PPP4R3A: variants seen among roughly 807,000 people sequenced by gnomAD.
The protein encoded by PPP4R3A is serine/threonine-protein phosphatase 4 regulatory subunit 3A.
A neutral mutation model predicts 91.7 loss-of-function variants in PPP4R3A; 15 were observed. The ratio of observed to expected loss-of-function variants is 0.16; its 90% CI spans 0.11 to 0.25. The LOEUF is 0.25. Among genes scored for constraint, PPP4R3A ranks in the 10% least tolerant of loss-of-function variants. The probability of loss-of-function intolerance (pLI) is 1.00; values close to 1 mark genes in which losing one functional copy is unlikely to be tolerated. For synonymous variants in PPP4R3A, 377 were observed against 348.7 expected (o/e 1.08, Z -0.91); for missense variants, 623 against 998.4 (o/e 0.62, Z 5.07).
At chr14:91,474,746 CTGAG>C (rs1889079074) in intron 7 of PPP4R3A, 1 of 151,934 alleles carries the variant, frequency 6.6e-6, no homozygotes, top group African/African-American at 2.4e-5. Flanking sequence ...TCTCATCCTC[CTGAG>C]TATCTGGGAC....
In PPP4R3A at chr14:91,481,757, T is replaced by C. The variant is rs773664066; in HGVS notation, c.734A>G (p.Lys245Arg). The C allele has an allele frequency of 7.4e-6, 12 of 1,613,600 alleles. No individual in the cohort carries two copies. Among genetic ancestry groups the C allele is most frequent in the Non-Finnish European group, 3.4e-6 (4 of 1,179,928 alleles). Residue 245 changes from lysine to arginine, a missense_variant, in exon 4 of 15, where the codon AAG becomes AGG. By Grantham distance (26) the Lys-to-Arg change is conservative. Transcript: ENST00000554943. ...KHREFLTKTA[K>R]FKEVIPISDP... ...TGATATGGGAATCACTTCTTTAAAC[T>C]TGGCTGTTTTTGTTAGAAATTCCCT...
intron 11 of PPP4R3A, 82 bp from the exon 12 acceptor site, chr14:91,462,959 C>T (rs765750542): frequency 1.5e-4 from 160 of 1,073,912 alleles, no homozygotes; most frequent in Non-Finnish European, 4.3e-5. Context: ...AATTCATACC[C>T]ACCAAAAATA....
At chr14:91,473,392 C>A in intron 7 of PPP4R3A, 22 bp from the exon 8 acceptor site, 2 of 1,601,140 alleles carry the variant, frequency 1.2e-6, no homozygotes, top group Non-Finnish European at 1.7e-6. Flanking sequence ...AATAGACATA[C>A]TCAGGATCAC....
At chr14:91,492,624 T>C (rs1890294715) in intron 1 of PPP4R3A, among the ~76,000 whole-genome samples, 1 of 152,224 alleles carries the variant, frequency 6.6e-6, no homozygotes, top group Non-Finnish European at 1.5e-5. Flanking sequence ...CCAAAATCTC[T>C]TTCTTATCCT....
intron 14 of PPP4R3A, among the ~76,000 whole-genome samples, chr14:91,461,177 G>T (rs8006485): frequency 0.49 from 74,608 of 151,794 alleles, 18,655 homozygotes; most frequent in Admixed American, 0.53. Flanking sequence ...CACACTATAT[G>T]CAGACTTGCA....
chr14:91,491,096 G>A (rs1227641751), intron 1 of PPP4R3A, among the ~76,000 whole-genome samples: 1 of 151,414 alleles, frequency 6.6e-6, no homozygotes, highest in African/African-American at 2.4e-5. Context: ...TAGTAGAGAC[G>A]GGGTTTCACC....
chr14:91,506,275 T>C (rs1891289019), intron 1 of PPP4R3A, among the ~76,000 whole-genome samples: 6 of 152,200 alleles, frequency 3.9e-5, no homozygotes, highest in Admixed American at 3.9e-4. Context: ...AAAGTAATTT[T>C]CATTTTCTTT....
intron 13 of PPP4R3A, 121 bp downstream of exon 13, chr14:91,461,928 T>TA: frequency 7.2e-7 from 1 of 1,383,450 alleles, no homozygotes; most frequent in Non-Finnish European, 9.4e-7. Flanking sequence ...CATAAAGCAA[T>TA]AGAGTCTTTA....
chr14:91,462,648 T>G (rs5020186), intron 12 of PPP4R3A, 87 bp downstream of exon 12: 699,440 of 1,477,230 alleles, frequency 0.47, 168,037 homozygotes, highest in Admixed American at 0.57. Context: ...CTGTTCCTTG[T>G]CAAGCCAAAT....
chr14:91,469,368 C>T (rs1250393222), intron 10 of PPP4R3A, among the ~76,000 whole-genome samples: 2 of 151,952 alleles, frequency 1.3e-5, no homozygotes, highest in Non-Finnish European at 1.5e-5. Context: ...CTCTCAAATC[C>T]CCTTTTCCAC....
At chr14:91,507,869 C>A (rs1196769200) in intron 1 of PPP4R3A, among the ~76,000 whole-genome samples, 2 of 151,934 alleles carry the variant, frequency 1.3e-5, no homozygotes, top group Non-Finnish European at 2.9e-5. Context: ...TGCCTGTAAT[C>A]CTAATACTCC....
Position 91,509,826 on chromosome 14 carries a change from C to A in PPP4R3A, c.-179G>T, listed in dbSNP as rs1891675645. The A allele has an allele frequency of 8.4e-7, 1 of 1,185,616 alleles. No individual in the cohort carries two copies. Among genetic ancestry groups the A allele is most frequent in the Non-Finnish European group, 1.0e-6 (1 of 961,264 alleles). The allele number at this position is 1,185,616 out of a possible 1,614,324, so 73.4% of individuals were successfully genotyped here. ...TGCATGGCCCGCTCCAGGGACCGAGCTCTGGGCCGCCGCCTTTCCTCGCCT... is the reference window on the plus strand; with the variant it reads ...TGCATGGCCCGCTCCAGGGACCGAGATCTGGGCCGCCGCCTTTCCTCGCCT... On this transcript the variant is annotated 5_prime_UTR_variant, in exon 1 of 15. Transcript: ENST00000554943.
intron 2 of PPP4R3A, 68 bp downstream of exon 2, chr14:91,490,679 T>G (rs1031251588): frequency 9.6e-6 from 12 of 1,253,662 alleles, no homozygotes; most frequent in Non-Finnish European, 1.4e-5. Context: ...CTATAAGCAA[T>G]CAGATAATAA....
At chr14:91,482,425 G>A (rs990070085) in intron 3 of PPP4R3A, among the ~76,000 whole-genome samples, 2 of 152,190 alleles carry the variant, frequency 1.3e-5, no homozygotes, top group African/African-American at 2.4e-5. Context: ...TATGAGGTCT[G>A]CTGGCAAGAA....
intron 4 of PPP4R3A, among the ~76,000 whole-genome samples, chr14:91,478,726 T>A (rs1459530086): frequency 1.4e-5 from 2 of 141,284 alleles, no homozygotes; most frequent in Non-Finnish European, 3.3e-5. Flanking sequence ...CTCAGTATTT[T>A]AGTTCATACT....
chr14:91,509,898 G>A lies in PPP4R3A; in HGVS notation c.-251C>T. ...CCAGGCCTGGCGAGCCCGGCGCCCG[G>A]CAGCCCCGAGGGGGCCGCGCAGCGC... On this transcript the variant is annotated 5_prime_UTR_variant, in exon 1 of 15. Coordinates refer to ENST00000554943, the MANE Select transcript of PPP4R3A (RefSeq NM_001366432.2). 1 of 1,071,350 alleles carries A rather than the reference G, an allele frequency of 9.3e-7. No individual in the cohort carries two copies. Among genetic ancestry groups the A allele is most frequent in the Non-Finnish European group, 1.1e-6 (1 of 887,146 alleles). 66.4% of individuals were successfully genotyped at this position (1,071,350 alleles called of 1,614,324 possible).
intron 2 of PPP4R3A, among the ~76,000 whole-genome samples, chr14:91,490,066 A>C (rs1379090543): frequency 6.6e-6 from 1 of 152,208 alleles, no homozygotes; most frequent in Non-Finnish European, 1.5e-5. Flanking sequence ...TCTTCTGGGC[A>C]ATGAGGGAAC....
Position 91,509,526 on chromosome 14 carries a change from A to T in PPP4R3A, c.122T>A (p.Leu41His). Residue 41 changes from leucine to histidine, a missense_variant, in exon 1 of 15, where the codon CTT (leucine) becomes CAT (histidine). Coordinates refer to ENST00000554943, the MANE Select transcript of PPP4R3A (RefSeq NM_001366432.2). ...CTTACCGTCGCTCTCAGCCCTGACA[A>T]GCAGGGACATGCCCTTCAGCCGCTC... ...YVERLKGMSL[L>H]VRAESDGSLL... 6.3e-7 allele frequency: 1 copy of T among 1,596,578 alleles called. No individual in the cohort carries two copies. The highest frequency in any genetic ancestry group is 8.5e-7 in the Non-Finnish European group (1 of 1,176,674).
At chr14:91,461,190 G>C (rs1047978964) in intron 14 of PPP4R3A, among the ~76,000 whole-genome samples, 191 bp downstream of exon 14, 6 of 150,270 alleles carry the variant, frequency 4.0e-5, no homozygotes, top group African/African-American at 1.5e-4. Context: ...GACTTGCATT[G>C]GTCATAAAAA....
Sources: allele counts gnomAD v4.1 joint callset (sites outside exome capture counted in the v4.1 genomes callset), GRCh38; gene constraint gnomAD v4.1.1; transcripts MANE v1.5; gene names NCBI Gene and HGNC (gene_info 2026-07-23, HGNC 2026-07-21).